The following STRBP variants were observed in gnomAD, a reference collection of about 807,000 sequenced individuals.
STRBP encodes the protein spermatid perinuclear RNA binding protein, also known as spermatid perinuclear RNA-binding protein.
A neutral mutation model predicts 80.1 loss-of-function variants in STRBP; 13 were observed. The observed-to-expected ratio is 0.16, with a 90% confidence interval of 0.11 to 0.26. The LOEUF is 0.26. Ranked by LOEUF, STRBP falls within the 10% of genes least tolerant of loss-of-function variation. STRBP has a pLI of 1.00. For synonymous variants in STRBP, 284 were observed against 291.2 expected (o/e 0.98, Z 0.25); for missense variants, 485 against 815.2 (o/e 0.59, Z 4.93).
intron 2 of STRBP, among the ~76,000 whole-genome samples, chr9:123,222,851 T>C (rs1227511461): frequency 6.6e-6 from 1 of 152,168 alleles, no homozygotes; most frequent in Non-Finnish European, 1.5e-5. Context: ...AAAATTGTGC[T>C]TAAGTATTTA....
chr9:123,163,864 CA>C (rs1403445690), intron 6 of STRBP, among the ~76,000 whole-genome samples: 3 of 152,054 alleles, frequency 2.0e-5, no homozygotes, highest in Non-Finnish European at 4.4e-5. Context: ...TGAGGAGGAT[CA>C]AAACTTTCCT....
intron 13 of STRBP, 49 bp from the exon 14 acceptor site, chr9:123,139,736 G>C (rs754747701): frequency 6.4e-7 from 1 of 1,569,248 alleles, no homozygotes; most frequent in Non-Finnish European, 8.6e-7. Flanking sequence ...CGAGAAACCA[G>C]AGAATAGACA....
chr9:123,225,856 T>C (rs909951670), intron 2 of STRBP, among the ~76,000 whole-genome samples: 1 of 152,208 alleles, frequency 6.6e-6, no homozygotes, highest in Non-Finnish European at 1.5e-5. Context: ...CCCCATTTGA[T>C]AAATGTGAAA....
intron 2 of STRBP, among the ~76,000 whole-genome samples, chr9:123,227,957 A>G (rs1236687999): frequency 1.3e-5 from 2 of 152,204 alleles, no homozygotes; most frequent in African/African-American, 2.4e-5. Flanking sequence ...AATCCATCAC[A>G]ACGATGCAGG....
At chr9:123,229,440 CA>C (rs1278858848) in intron 2 of STRBP, among the ~76,000 whole-genome samples, 1 of 151,998 alleles carries the variant, frequency 6.6e-6, no homozygotes, top group Admixed American at 6.6e-5. Context: ...CAAAGAAGGG[CA>C]AAGAAATGAG....
rs531267223 is a variant in STRBP at position 123,169,985 on chromosome 9, C to T, written c.452G>A (p.Arg151Gln). 34 of 1,608,044 alleles carry T rather than the reference C, an allele frequency of 2.1e-5. No homozygotes were observed. In the Admixed American group the frequency reaches 4.1e-4, roughly 19 times the overall value. The change falls in exon 6 of 19, where the codon CGG becomes CAG. Residue 151 changes from arginine (R) to glutamine (Q), a missense_variant. By Grantham distance (43) the Arg-to-Gln change is conservative. Coordinates refer to ENST00000348403, the MANE Select transcript of STRBP (RefSeq NM_018387.5). Reference protein sequence around the residue: ...QCVNEASIIIRNTKEPTLTLK... With the variant: ...QCVNEASIIIQNTKEPTLTLK... ...AGTTAGCGTGGGCTCTTTTGTATTC[C>T]GAATTATAATAGATGCCTCATTTAC...
intron 1 of STRBP, among the ~76,000 whole-genome samples, chr9:123,268,180 A>AGGCTGCC (rs1309072611): frequency 3.3e-5 from 5 of 151,668 alleles, no homozygotes; most frequent in Non-Finnish European, 7.4e-5. Flanking sequence ...AAGGTGAGGA[A>AGGCTGCC]GGCTGCCCGC....
At position 123,147,771 on chromosome 9, in the gene STRBP, T is replaced by C. The variant is rs751493535; in HGVS notation, c.1138+7A>G. 2 of 1,604,612 alleles carry C rather than the reference T, an allele frequency of 1.2e-6. No homozygotes were observed. The highest frequency in any genetic ancestry group is 3.4e-5 in the Admixed American group (2 of 59,192). On this transcript the variant is annotated splice_region_variant and intron_variant, in intron 12 of 18. Transcript: ENST00000348403. ...TTTGCATCTATAAGAATAAAGGTTT[T>C]ACACACTTTTCCTTAAGTTTCGTTT...
At chr9:123,211,703 A>AAAT (rs2039714541) in intron 2 of STRBP, among the ~76,000 whole-genome samples, 1 of 152,206 alleles carries the variant, frequency 6.6e-6, no homozygotes, top group African/African-American at 2.4e-5. Flanking sequence ...AAATCGGTTC[A>AAAT]ACTATAAAGA....
At chr9:123,175,872 ACT>A (rs958974421) in intron 4 of STRBP, among the ~76,000 whole-genome samples, 9 of 152,216 alleles carry the variant, frequency 5.9e-5, no homozygotes, top group Admixed American at 3.3e-4. Context: ...ATTGGATAAC[ACT>A]CTACCTACTA....
intron 11 of STRBP, among the ~76,000 whole-genome samples, chr9:123,157,296 G>A (rs1306018079): frequency 6.6e-6 from 1 of 152,170 alleles, no homozygotes; most frequent in African/African-American, 2.4e-5. Flanking sequence ...TAATCAAACT[G>A]ATTAGTGATA....
intron 11 of STRBP, among the ~76,000 whole-genome samples, chr9:123,153,581 C>T (rs2037152528): frequency 6.6e-6 from 1 of 152,136 alleles, no homozygotes; most frequent in African/African-American, 2.4e-5. Context: ...GAATCCTGGC[C>T]TGAGCAAACG....
At chr9:123,264,778 C>G (rs1472652242) in intron 1 of STRBP, among the ~76,000 whole-genome samples, 2 of 152,188 alleles carry the variant, frequency 1.3e-5, no homozygotes, top group African/African-American at 4.8e-5. Context: ...CAAATTGTCC[C>G]AATTCATAGA....
intron 2 of STRBP, among the ~76,000 whole-genome samples, chr9:123,216,865 C>T (rs2039915711): frequency 6.6e-6 from 1 of 152,134 alleles, no homozygotes; most frequent in African/African-American, 2.4e-5. Flanking sequence ...TACAATCAGT[C>T]TCTATTTTAA....
downstream of STRBP, among the ~76,000 whole-genome samples, chr9:123,117,344 G>GCCATCCCCGCAC (rs1272951254): frequency 6.6e-6 from 1 of 152,126 alleles, no homozygotes. Flanking sequence ...GGATCCCGCA[G>GCCATCCCCGCAC]CCATCCCCGC....
chr9:123,248,264 T>TC, intron 1 of STRBP, among the ~76,000 whole-genome samples: 1 of 138,642 alleles, frequency 7.2e-6, no homozygotes, highest in Non-Finnish European at 1.6e-5. Context: ...CTATCGTGTT[T>TC]TTTTTTTTTT....
chr9:123,158,031 C>A lies in STRBP; in HGVS notation c.1026G>T (p.Trp342Cys). 6.2e-7 allele frequency: 1 copy of A among 1,610,344 alleles called. No individual in the cohort carries two copies. Among genetic ancestry groups the A allele is most frequent in the South Asian group, 1.1e-5 (1 of 90,804 alleles). ...PSSKPFQKYS[W>C]SVTDKEGAGS... ...GCTCACCTTCTTTATCAGTAACTGA[C>A]CAGGAATACTTCTGAAAAGGCTTAC... The change falls in exon 11 of 19, where the codon TGG becomes TGT. Residue 342 changes from tryptophan to cysteine, a missense_variant. Around this residue, in one of 3 missense-constraint regions of STRBP, gnomAD observed 377 missense variants for 616.1 expected, o/e 0.61. Coordinates refer to ENST00000348403, the MANE Select transcript of STRBP (RefSeq NM_018387.5).
chr9:123,113,194 G>A (rs2035595296), intron 3 of STRBP: 1 of 167,238 alleles, frequency 6.0e-6, no homozygotes, highest in African/African-American at 2.4e-5. Flanking sequence ...TCCATAGCCA[G>A]TGACATTTCT....
chr9:123,135,016 A>C (rs879747228), intron 16 of STRBP, among the ~76,000 whole-genome samples: 3 of 152,248 alleles, frequency 2.0e-5, no homozygotes, highest in Non-Finnish European at 4.4e-5. Flanking sequence ...AATACAAGAA[A>C]TTTAAATGAA....
Sources: allele counts gnomAD v4.1 joint callset (sites outside exome capture counted in the v4.1 genomes callset), GRCh38; gene constraint gnomAD v4.1.1; regional missense constraint gnomAD v4.1.1; transcripts MANE v1.5; gene names NCBI Gene and HGNC (gene_info 2026-07-23, HGNC 2026-07-21).